FANCI: variants seen among roughly 807,000 people sequenced by gnomAD.
The protein encoded by FANCI is Fanconi anemia group I protein.
Under a neutral mutation model 176.1 loss-of-function variants are expected in FANCI, and 156 were observed. That is an observed-to-expected ratio of 0.89 (90% CI 0.78 to 1.01). The LOEUF (loss-of-function observed/expected upper bound fraction) is 1.01, where lower values mean the gene tolerates loss of function less well. Ranked by LOEUF, FANCI falls within the 50% of genes least tolerant of loss-of-function variation. FANCI has a pLI of 0.00. For missense variants in FANCI, 1,678 were observed against 1,534.1 expected, an observed-to-expected ratio of 1.09 and a Z score of -1.57; for synonymous variants, 613 against 541.7, an observed-to-expected ratio of 1.13 and a Z score of -1.83.
Position 89,301,371 on chromosome 15 carries a change from A to C in FANCI, c.2935A>C (p.Ser979Arg). The C allele has an allele frequency of 7.4e-6, 12 of 1,614,152 alleles. No individual in the cohort carries two copies. Among genetic ancestry groups the C allele is most frequent in the Non-Finnish European group, 1.0e-5 (12 of 1,180,002 alleles). Residue 979 changes from serine to arginine, a missense_variant, in exon 27 of 38, where the codon AGC becomes CGC. Physicochemically the swap from Ser to Arg is moderately radical, Grantham distance 110. Transcript: ENST00000310775. ...LLSSQEEDFNSKEALLLVTVL... is the reference protein window; with the variant it reads ...LLSSQEEDFNRKEALLLVTVL... The stretch of plus-strand genomic sequence containing the variant: ...TAGCAGTCAAGAGGAAGATTTTAAT[A>C]GCAAAGAAGCCCTCCTGCTAGTCAC...
chr15:89,282,338 C>A, intron 16 of FANCI: 1 of 169,040 alleles, frequency 5.9e-6, no homozygotes. Flanking sequence ...GATCTAGAGG[C>A]TAGTAGATCA....
intron 19 of FANCI, chr15:89,290,571 C>A: frequency 2.9e-6 from 1 of 341,348 alleles, no homozygotes; most frequent in Non-Finnish European, 5.5e-6. Flanking sequence ...GCAACTGTAT[C>A]CATTATGTTA....
At chr15:89,257,577 T>C (rs913822183) in intron 2 of FANCI, among the ~76,000 whole-genome samples, 12 of 152,228 alleles carry the variant, frequency 7.9e-5, no homozygotes, top group Non-Finnish European at 1.8e-4. Context: ...TTTGTGTTTC[T>C]GTGTCCAGAG....
intron 24 of FANCI, among the ~76,000 whole-genome samples, chr15:89,296,424 GTTTTGTTTTGT>G (rs1299748655): frequency 2.0e-5 from 3 of 148,176 alleles, no homozygotes; most frequent in Non-Finnish European, 3.0e-5. Context: ...CGTTTTTTTT[GTTTTGTTTTGT>G]TTTTGTTTTT....
Position 89,283,783 on chromosome 15 carries a change from C to G in FANCI, c.1698+533C>G, listed in dbSNP as rs867025805. ...TCTTTTTTTTTTTTTGAGACGGAGTCAGTCTGTCACCCAGGCTGGAGTGCA... is the reference window on the plus strand; with the variant it reads ...TCTTTTTTTTTTTTTGAGACGGAGTGAGTCTGTCACCCAGGCTGGAGTGCA... On this transcript the variant is annotated intron_variant, in intron 17 of 37. Coordinates refer to ENST00000310775, the MANE Select transcript of FANCI (RefSeq NM_001113378.2). 2.7e-5 allele frequency among the ~76,000 whole-genome samples: 4 copies of G among 149,176 alleles called. No individual in the cohort carries two copies. In the East Asian group the frequency reaches 5.9e-4, roughly 22 times the overall value.
At chr15:89,272,007 T>C (rs1288541689) in intron 10 of FANCI, among the ~76,000 whole-genome samples, 2 of 152,224 alleles carry the variant, frequency 1.3e-5, no homozygotes, top group African/African-American at 4.8e-5. Flanking sequence ...AAATTTATGT[T>C]TATATTTTTA....
At chr15:89,293,424 C>T (rs751310664) in intron 22 of FANCI, among the ~76,000 whole-genome samples, 10 of 152,264 alleles carry the variant, frequency 6.6e-5, no homozygotes, top group East Asian at 1.9e-4. Flanking sequence ...CGGTGGCTCA[C>T]GCCTGTAATC....
Position 89,314,625 on chromosome 15 carries a change from G to T in FANCI, c.3734G>T (p.Arg1245Leu), listed in dbSNP as rs771758909. 5.0e-6 allele frequency: 8 copies of T among 1,613,740 alleles called. No homozygotes were observed. The African/African-American group carries it at 1.1e-4, about 22-fold the overall frequency. The change falls in exon 36 of 38, where the codon CGG (arginine) becomes CTG (leucine). Residue 1245 changes from arginine to leucine, a missense_variant. Physicochemically the swap from Arg to Leu is moderately radical, Grantham distance 102. This residue lies in a region of FANCI where 1,204 missense variants were observed against 1,077.4 expected (regional missense o/e 1.12). Transcript: ENST00000310775. The stretch of plus-strand genomic sequence containing the variant: ...CTTTGCCCTTAGGCCAGAGTTCTTC[G>T]GGAAACCAAGCCAATCCCTAACCTC... The part of the protein sequence containing the change: ...AVATAMARVL[R>L]ETKPIPNLIF...
chr15:89,269,024 T>C (rs17229107), intron 10 of FANCI, among the ~76,000 whole-genome samples: 45,757 of 152,086 alleles, frequency 0.3, 8,357 homozygotes, highest in Non-Finnish European at 0.39. Context: ...TTAAACTATA[T>C]TAAAAGTAGT....
Position 89,274,251 on chromosome 15 carries a change from A to T in FANCI, c.1059A>T (p.Leu353=). Reference sequence around the variant, plus strand: ...AAGGCTCAAAATTTCTTCAGAATCTAGTTCCTCATAGATCTTATGTTTCAA... The same window carrying T: ...AAGGCTCAAAATTTCTTCAGAATCTTGTTCCTCATAGATCTTATGTTTCAA... ...LLQGSKFLQN[L]VPHRSYVSTM... The change falls in exon 12 of 38, where the codon CTA becomes CTT. Residue 353 remains leucine, a synonymous_variant. Coordinates refer to ENST00000310775, the MANE Select transcript of FANCI (RefSeq NM_001113378.2). 1 of 1,612,898 alleles carries T rather than the reference A, an allele frequency of 6.2e-7. No individual in the cohort carries two copies. The highest frequency in any genetic ancestry group is 8.5e-7 in the Non-Finnish European group (1 of 1,179,434).
rs535749388 is a variant in FANCI at position 89,277,094 on chromosome 15, T to A, written c.1293+203T>A. On this transcript the variant is annotated intron_variant, in intron 13 of 37. Transcript: ENST00000310775. ...TTACTTACGTATTCTTCTATGTAAG[T>A]TTTTCATTTATTCCACTTAATCCAA... Among the ~76,000 whole-genome samples the A allele has an allele frequency of 5.9e-5, 9 of 152,308 alleles. No homozygotes were observed. The South Asian group carries it at 1.9e-3, about 32-fold the overall frequency.
At chr15:89,281,451 T>C in intron 15 of FANCI, 151 bp downstream of exon 15, 2 of 947,548 alleles carry the variant, frequency 2.1e-6, no homozygotes, top group Middle Eastern at 2.3e-4. Context: ...GGCAAGAGCA[T>C]TGAGCAAGAC....
rs1277867306 is a variant in FANCI at position 89,268,423 on chromosome 15, ATCAGG to A, written c.782_786del (p.Ser261Ter). The A allele has an allele frequency of 6.2e-7, 1 of 1,614,226 alleles. No homozygotes were observed. The highest frequency in any genetic ancestry group is 1.1e-5 in the South Asian group (1 of 91,090). On this transcript the variant is annotated frameshift_variant, in exon 10 of 38. Coordinates refer to ENST00000310775, the MANE Select transcript of FANCI (RefSeq NM_001113378.2). LOFTEE classifies it high-confidence loss of function. Reference sequence around the variant, plus strand: ...GGCTATTGGATGTTGTCACTGTGCCATCAGGTGAACTTCGTCATGTGGAAGGCACC... The same window carrying A: ...GGCTATTGGATGTTGTCACTGTGCCATGAACTTCGTCATGTGGAAGGCACC...
intron 9 of FANCI, among the ~76,000 whole-genome samples, chr15:89,266,847 T>C (rs1292817526): frequency 7.0e-6 from 1 of 143,682 alleles, no homozygotes; most frequent in African/African-American, 2.6e-5. Flanking sequence ...ATTAGCTCAC[T>C]TTTTTTTTTT....
intron 2 of FANCI, among the ~76,000 whole-genome samples, chr15:89,257,040 G>A (rs919406743): frequency 6.6e-6 from 1 of 152,090 alleles, no homozygotes; most frequent in African/African-American, 2.4e-5. Context: ...CCAAGTAGCT[G>A]GGACTACAGG....
rs1252915442 is a variant in FANCI, at chr15:89,312,946, A to G, written c.3694A>G (p.Lys1232Glu). 6.2e-7 allele frequency: 1 copy of G among 1,614,102 alleles called. No individual in the cohort carries two copies. The highest frequency in any genetic ancestry group is 2.2e-5 in the East Asian group (1 of 44,890). ...SLNYTGEKKE[K>E]PAAVATAMAR... ...GAACTATACGGGAGAGAAAAAGGAG[A>G]AACCTGCTGCCGTTGCCACAGCCAT... The change falls in exon 35 of 38, where the codon AAA (lysine) becomes GAA (glutamate). Residue 1232 changes from lysine to glutamate, a missense_variant. By Grantham distance (56) the Lys-to-Glu change is moderately conservative. Coordinates refer to ENST00000310775, the MANE Select transcript of FANCI (RefSeq NM_001113378.2).
At chr15:89,281,111 C>G in intron 14 of FANCI, 59 bp from the exon 15 acceptor site, 1 of 1,569,450 alleles carries the variant, frequency 6.4e-7, no homozygotes, top group Non-Finnish European at 8.8e-7. Flanking sequence ...CCGTATTTTT[C>G]TTTTATTTCA....
rs2055256471 is a variant in FANCI at position 89,316,317 on chromosome 15, G to A, written c.3925-80G>A. 4 of 1,374,974 alleles carry A rather than the reference G, an allele frequency of 2.9e-6. No homozygotes were observed. The highest frequency in any genetic ancestry group is 4.1e-6 in the Non-Finnish European group (4 of 984,978). 85.2% of individuals were successfully genotyped at this position (1,374,974 alleles called of 1,614,324 possible). On this transcript the variant is annotated intron_variant, in intron 37 of 37. Coordinates refer to ENST00000310775, the MANE Select transcript of FANCI (RefSeq NM_001113378.2). ...ACAAAGGCTTTGATGAGAAGATAGA[G>A]TCTTTTTTTTCCTTCTTTTTATTTC...
intron 18 of FANCI, among the ~76,000 whole-genome samples, 191 bp downstream of exon 18, chr15:89,285,409 C>G (rs941331099): frequency 2.0e-5 from 3 of 152,152 alleles, no homozygotes; most frequent in Non-Finnish European, 2.9e-5. Flanking sequence ...AATCCCAACA[C>G]CTTGTGAGGC....
Sources: allele counts gnomAD v4.1 joint callset (sites outside exome capture counted in the v4.1 genomes callset), GRCh38; gene constraint gnomAD v4.1.1; regional missense constraint gnomAD v4.1.1; transcripts MANE v1.5; gene names NCBI Gene and HGNC (gene_info 2026-07-23, HGNC 2026-07-21).